The following TENT2 variants were observed in gnomAD, a reference collection of about 807,000 sequenced individuals.
TENT2 encodes terminal nucleotidyltransferase 2.
Under a neutral mutation model 72.2 loss-of-function variants are expected in TENT2, and 44 were observed. The ratio of observed to expected loss-of-function variants is 0.61; its 90% CI spans 0.48 to 0.78. TENT2 has a LOEUF of 0.78. Among genes scored for constraint, TENT2 ranks in the 30% least tolerant of loss-of-function variants. The probability of loss-of-function intolerance (pLI) is 0.00; values close to 1 mark genes in which losing one functional copy is unlikely to be tolerated. For missense variants in TENT2, 541 were observed against 569.6 expected (o/e 0.95, Z 0.51); for synonymous variants, 212 against 192.5 (o/e 1.10, Z -0.84).
intron 4 of TENT2, among the ~76,000 whole-genome samples, chr5:79,638,863 A>AT (rs1554079956): frequency 1.3e-5 from 2 of 152,114 alleles, no homozygotes; most frequent in Non-Finnish European, 2.9e-5. Flanking sequence ...GTATTCAGAG[A>AT]TTTAAAAAAA....
chr5:79,674,150 G>A (rs1580642283), intron 12 of TENT2, among the ~76,000 whole-genome samples: 3 of 152,138 alleles, frequency 2.0e-5, no homozygotes, highest in Admixed American at 6.5e-5. Flanking sequence ...TTGGGAGGTC[G>A]AGGCAGGCAG....
At chr5:79,628,227 C>T (rs1333341431) in intron 4 of TENT2, among the ~76,000 whole-genome samples, 1 of 152,202 alleles carries the variant, frequency 6.6e-6, no homozygotes, top group South Asian at 2.1e-4. Flanking sequence ...CCTCTGTTTA[C>T]TTCTGTAGAG....
At chr5:79,614,002 T>C (rs190666699) in intron 1 of TENT2, 1 of 152,168 alleles carries the variant, frequency 6.6e-6, no homozygotes, top group East Asian at 1.9e-4. Context: ...CTCTAATTTG[T>C]TGGAGGAGAG....
At chr5:79,685,109 G>T in intron 14 of TENT2, 90 bp from the exon 15 acceptor site, 2 of 1,024,000 alleles carry the variant, frequency 2.0e-6, no homozygotes. Context: ...ATCACCTAGA[G>T]AGAACCAACT....
At chr5:79,616,272 C>T (rs1419770190) in intron 1 of TENT2, among the ~76,000 whole-genome samples, 2 of 138,824 alleles carry the variant, frequency 1.4e-5, no homozygotes, top group African/African-American at 5.5e-5. Flanking sequence ...GATCTTGGCT[C>T]ACTGCAACCT....
In TENT2 at chr5:79,688,049, C is replaced by A. The variant is rs755866379; in HGVS notation, c.*2776C>A. 6.6e-6 allele frequency among the ~76,000 whole-genome samples: 1 copy of A among 152,170 alleles called. No homozygotes were observed. The highest frequency in any genetic ancestry group is 1.5e-5 in the Non-Finnish European group (1 of 68,028). On this transcript the variant is annotated 3_prime_UTR_variant, in exon 15 of 15. Coordinates refer to ENST00000453514, the MANE Select transcript of TENT2 (RefSeq NM_001114394.3). ...TTAGTGAGCTGTGGAAGCCTTGACT[C>A]TGCTGTTTTCCCTCCTTATGCCCCA...
intron 4 of TENT2, among the ~76,000 whole-genome samples, chr5:79,640,014 TGGGA>T (rs1783131153): frequency 6.6e-6 from 1 of 152,058 alleles, no homozygotes; most frequent in African/African-American, 2.4e-5. Context: ...CCCAGCACTT[TGGGA>T]GGCTGAGGCA....
At chr5:79,681,248 C>T (rs184688290) in intron 13 of TENT2, among the ~76,000 whole-genome samples, 1 of 147,212 alleles carries the variant, frequency 6.8e-6, no homozygotes, top group Non-Finnish European at 1.5e-5. Flanking sequence ...CAACCTCTAC[C>T]TCCCAGGTTC....
Position 79,613,071 on chromosome 5 carries a change from C to CTAAG in TENT2, c.-41_-38dup. On this transcript the variant is annotated 5_prime_UTR_variant, in exon 1 of 15. Coordinates refer to ENST00000453514, the MANE Select transcript of TENT2 (RefSeq NM_001114394.3). ...TGGTGTTTCAAAGGGTGGTGAAGAA[C>CTAAG]TAAGGTACGTAGCTGGATTAATTAA... The CTAAG allele has an allele frequency of 6.6e-6, 1 of 152,258 alleles. No individual in the cohort carries two copies. The highest frequency in any genetic ancestry group is 1.5e-5 in the Non-Finnish European group (1 of 68,028). The allele number at this position is 152,258 out of a possible 1,614,324, so 9.4% of individuals were successfully genotyped here.
At chr5:79,681,446 C>A (rs1459179234) in intron 13 of TENT2, among the ~76,000 whole-genome samples, 2 of 152,058 alleles carry the variant, frequency 1.3e-5, no homozygotes, top group Non-Finnish European at 2.9e-5. Context: ...GCGTGAGCCA[C>A]TGTGTCTGGC....
chr5:79,663,548 G>T (rs1648530686), intron 11 of TENT2, among the ~76,000 whole-genome samples: 1 of 152,166 alleles, frequency 6.6e-6, no homozygotes, highest in Admixed American at 6.5e-5. Context: ...ACCCAAGGAA[G>T]GGGAGAGAGA....
chr5:79,646,769 C>CTTTTTT (rs148646986), intron 8 of TENT2, among the ~76,000 whole-genome samples: 1 of 137,492 alleles, frequency 7.3e-6, no homozygotes, highest in South Asian at 2.4e-4. Flanking sequence ...TGTTCCTAAG[C>CTTTTTT]TTTTTTTTTT....
In TENT2 at chr5:79,668,934, GCTCCATGTAATGTTC is replaced by G. The variant is rs1177655147; in HGVS notation, c.1119_1133del (p.Cys374_Pro378del). On this transcript the variant is annotated inframe_deletion, in exon 12 of 15. Transcript: ENST00000453514. ...TATACAGCTGCACCTTGTACATCAA[GCTCCATGTAATGTTC>G]CTCCTTACCTCTCAAAGAATGAATC... The G allele has an allele frequency of 6.2e-7, 1 of 1,613,714 alleles. No individual in the cohort carries two copies.
At chr5:79,641,776 A>C (rs1428151164) in intron 6 of TENT2, among the ~76,000 whole-genome samples, 1 of 151,812 alleles carries the variant, frequency 6.6e-6, no homozygotes, top group African/African-American at 2.4e-5. Flanking sequence ...TCATTATCTA[A>C]AATGCTTGGG....
Position 79,686,340 on chromosome 5 carries a change from A to C in TENT2, c.*1067A>C, listed in dbSNP as rs1826020186. On this transcript the variant is annotated 3_prime_UTR_variant, in exon 15 of 15. Coordinates refer to ENST00000453514, the MANE Select transcript of TENT2 (RefSeq NM_001114394.3). ...GAAAGAAGTGGTGGCTGCTAAAAAA[A>C]AAGCTACAGTGTTTATTAAGGGTCT... is the stretch of plus-strand genomic sequence containing the variant. The C allele has an allele frequency of 6.6e-6, 1 of 152,140 alleles. No homozygotes were observed. The highest frequency in any genetic ancestry group is 6.5e-5 in the Admixed American group (1 of 15,276). The allele number at this position is 152,140 out of a possible 1,614,324, so 9.4% of individuals were successfully genotyped here.
intron 11 of TENT2, among the ~76,000 whole-genome samples, chr5:79,665,586 G>C (rs560544893): frequency 6.6e-6 from 1 of 152,094 alleles, no homozygotes; most frequent in African/African-American, 2.4e-5. Context: ...GAAAGATTAC[G>C]TGTCTTCTAA....
At chr5:79,675,017 T>C (rs1346259212) in intron 12 of TENT2, among the ~76,000 whole-genome samples, 1 of 152,136 alleles carries the variant, frequency 6.6e-6, no homozygotes, top group Non-Finnish European at 1.5e-5. Context: ...CATAGCATTA[T>C]TGGTGTGGAC....
chr5:79,644,091 C>T (rs1462011159), intron 7 of TENT2, among the ~76,000 whole-genome samples: 1 of 151,860 alleles, frequency 6.6e-6, no homozygotes, highest in Non-Finnish European at 1.5e-5. Context: ...AAGCGATTCT[C>T]ATGCCTCAGC....
intron 11 of TENT2, among the ~76,000 whole-genome samples, chr5:79,660,380 A>G (rs1003451721): frequency 2.0e-5 from 3 of 152,186 alleles, no homozygotes; most frequent in African/African-American, 4.8e-5. Context: ...GCATATTACT[A>G]TGAGGGTTAA....
Sources: allele counts gnomAD v4.1 joint callset (sites outside exome capture counted in the v4.1 genomes callset), GRCh38; gene constraint gnomAD v4.1.1; transcripts MANE v1.5; gene names NCBI Gene and HGNC (gene_info 2026-07-23, HGNC 2026-07-21).